The following GRAMD1A variants were observed in gnomAD, a reference collection of about 807,000 sequenced individuals.
The protein encoded by GRAMD1A is protein Aster-A.
In GRAMD1A, 50 loss-of-function variants were observed where a neutral mutation model predicts 92.0. That is an observed-to-expected ratio of 0.54 (90% CI 0.43 to 0.69). GRAMD1A has a LOEUF of 0.69. Ranked by LOEUF, GRAMD1A falls within the 30% of genes least tolerant of loss-of-function variation. GRAMD1A has a pLI of 0.00. For synonymous variants in GRAMD1A, 405 were observed against 403.6 expected (o/e 1.00, Z -0.04); for missense variants, 819 against 978.9 (o/e 0.84, Z 2.18).
chr19:35,013,402 G>A lies in GRAMD1A; in HGVS notation c.719+34G>A, dbSNP rs1207074804. Reference sequence around the variant, plus strand: ...GAGGTCAAAGGAGGTTGAAGGGTTCGGGGGAGAACAGGACGGTCGGCGTGC... The same window carrying A: ...GAGGTCAAAGGAGGTTGAAGGGTTCAGGGGAGAACAGGACGGTCGGCGTGC... On this transcript the variant is annotated intron_variant, in intron 8 of 19. Coordinates refer to ENST00000317991, the MANE Select transcript of GRAMD1A (RefSeq NM_020895.5). This position sits in a 1 kb window ranked among gnomAD's most constrained non-coding sequence, Gnocchi z 4.9. The A allele has an allele frequency of 6.0e-6, 9 of 1,509,632 alleles. No individual in the cohort carries two copies. Among genetic ancestry groups the A allele is most frequent in the South Asian group, 3.5e-5 (3 of 86,018 alleles). 93.5% of individuals were successfully genotyped at this position (1,509,632 alleles called of 1,614,324 possible). A position where few individuals can be genotyped will look rare whatever the true frequency, so the allele number is the denominator to read the frequency against.
At chr19:35,019,647 G>A (rs960042845) in intron 13 of GRAMD1A, 114 bp downstream of exon 13, 58 of 1,060,240 alleles carry the variant, frequency 5.5e-5, no homozygotes, top group African/African-American at 3.9e-4. Flanking sequence ...GAACAGAAGC[G>A]TGGGGTTCCT....
rs2151715282 is a variant in GRAMD1A, at chr19:35,011,568, A to C, written c.606+14A>C. 1 of 1,594,030 alleles carries C rather than the reference A, an allele frequency of 6.3e-7. No individual in the cohort carries two copies. Reference sequence around the variant, plus strand: ...CTGCTTGAAAAGGTGGGCCTGGGTGAGGCCCGGGTGGGGATGGGGGGTTTC... The same window carrying C: ...CTGCTTGAAAAGGTGGGCCTGGGTGCGGCCCGGGTGGGGATGGGGGGTTTC... On this transcript the variant is annotated intron_variant, in intron 7 of 19. Transcript: ENST00000317991.
At chr19:35,008,310 CAG>C (rs1351028557) in intron 1 of GRAMD1A, among the ~76,000 whole-genome samples, 1 of 151,964 alleles carries the variant, frequency 6.6e-6, no homozygotes, top group Admixed American at 6.6e-5. Flanking sequence ...GCCTAGGTGA[CAG>C]AGTGAGAGAT....
At chr19:35,003,061 G>GGTGTGTGTGTGTGTGTGT (rs58809497) in intron 1 of GRAMD1A, among the ~76,000 whole-genome samples, 118 of 142,320 alleles carry the variant, frequency 8.3e-4, no homozygotes, top group Middle Eastern at 3.5e-3. Flanking sequence ...CAATGCTGCA[G>GGTGTGTGTGTGTGTGTGT]GTGTGTGTGT....
chr19:35,022,859 G>A (rs748985262), intron 16 of GRAMD1A, 41 bp from the exon 17 acceptor site: 23 of 1,595,464 alleles, frequency 1.4e-5, no homozygotes, highest in Admixed American at 5.2e-5. Context: ...CAGGCCAGGC[G>A]GCGCTCATCT....
chr19:35,004,544 G>T (rs1169910335), intron 1 of GRAMD1A, among the ~76,000 whole-genome samples: 1 of 152,162 alleles, frequency 6.6e-6, no homozygotes, highest in Non-Finnish European at 1.5e-5. Flanking sequence ...TTTTCTTACT[G>T]ACGGTCTATG....
In GRAMD1A at chr19:35,009,147, C is replaced by A; in HGVS notation, c.37C>A (p.Pro13Thr). Residue 13 changes from proline (P) to threonine (T), a missense_variant, in exon 2 of 20, where the codon CCA becomes ACA. Physicochemically the swap from Pro to Thr is conservative, Grantham distance 38. Transcript: ENST00000317991. ...DTTPHSGRST[P>T]SSSPSLRKRL... ...CACACCCCACTCTGGCCGGAGCACG[C>A]CAAGCAGCTCCCCATCGCTCCGGAA... 1 of 1,613,616 alleles carries A rather than the reference C, an allele frequency of 6.2e-7. No individual in the cohort carries two copies. Among genetic ancestry groups the A allele is most frequent in the Non-Finnish European group, 8.5e-7 (1 of 1,179,574 alleles).
At chr19:35,012,671 G>A (rs1203224773) in intron 7 of GRAMD1A, among the ~76,000 whole-genome samples, 2 of 152,232 alleles carry the variant, frequency 1.3e-5, no homozygotes, top group African/African-American at 4.8e-5. Context: ...GCTCTGTAAA[G>A]ATGGGAACAT....
rs185126710 is a variant in GRAMD1A at position 35,007,319 on chromosome 19, C to T, written c.9-1800C>T. 6.6e-5 allele frequency among the ~76,000 whole-genome samples: 10 copies of T among 152,072 alleles called. No individual in the cohort carries two copies. The East Asian group carries it at 9.7e-4, about 15-fold the overall frequency. On this transcript the variant is annotated intron_variant, in intron 1 of 19. Coordinates refer to ENST00000317991, the MANE Select transcript of GRAMD1A (RefSeq NM_020895.5). ...CTGTAATCCCAGAATTTTGGGAGGCCGAGGTGGGCGGATAACCTGAGGTCA... is the reference window on the plus strand; with the variant it reads ...CTGTAATCCCAGAATTTTGGGAGGCTGAGGTGGGCGGATAACCTGAGGTCA...
chr19:35,018,203 G>A (rs1600322996), intron 11 of GRAMD1A, among the ~76,000 whole-genome samples: 1 of 152,242 alleles, frequency 6.6e-6, no homozygotes, highest in Middle Eastern at 3.4e-3. Context: ...GGCCAGGCTG[G>A]TTTCAAACTC....
chr19:35,005,241 A>G (rs1427652290), intron 1 of GRAMD1A, among the ~76,000 whole-genome samples: 1 of 150,906 alleles, frequency 6.6e-6, no homozygotes, highest in Non-Finnish European at 1.5e-5. Flanking sequence ...AACTAGGGGG[A>G]AATACTGAAG....
In GRAMD1A at chr19:35,020,236, AT is replaced by A. The variant is rs199890454; in HGVS notation, c.1475+711del. Among the ~76,000 whole-genome samples the A allele has an allele frequency of 1.4e-3, 220 of 152,020 alleles. 2 individuals carry two copies. In the East Asian group the frequency reaches 0.028, roughly 19 times the overall value. ...CGGAAGCCCTGTCTCTACAAAAACA[AT>A]TTTTTTTAAATTAGCCAGGGTCCAG... On this transcript the variant is annotated intron_variant, in intron 13 of 19. Coordinates refer to ENST00000317991, the MANE Select transcript of GRAMD1A (RefSeq NM_020895.5).
At chr19:35,009,486 C>T (rs368456311) in intron 3 of GRAMD1A, 43 bp downstream of exon 3, 610 of 1,608,192 alleles carry the variant, frequency 3.8e-4, no homozygotes, top group South Asian at 9.3e-4. Context: ...CTGGGAGGAC[C>T]GGGTGCTGGG....
chr19:35,013,394 A>G lies in GRAMD1A; in HGVS notation c.719+26A>G. The G allele has an allele frequency of 1.3e-6, 2 of 1,521,304 alleles. No individual in the cohort carries two copies. Among genetic ancestry groups the G allele is most frequent in the Non-Finnish European group, 9.0e-7 (1 of 1,111,302 alleles). The allele number at this position is 1,521,304 out of a possible 1,614,324, so 94.2% of individuals were successfully genotyped here. A position where few individuals can be genotyped will look rare whatever the true frequency, so the allele number is the denominator to read the frequency against. ...GTGAGTTGGAGGTCAAAGGAGGTTG[A>G]AGGGTTCGGGGGAGAACAGGACGGT... is the stretch of plus-strand genomic sequence containing the variant. On this transcript the variant is annotated intron_variant, in intron 8 of 19. Coordinates refer to ENST00000317991, the MANE Select transcript of GRAMD1A (RefSeq NM_020895.5). This position sits in a 1 kb window ranked among gnomAD's most constrained non-coding sequence, Gnocchi z 4.9.
intron 3 of GRAMD1A, 171 bp downstream of exon 3, chr19:35,009,614 A>G: frequency 1.4e-6 from 1 of 730,802 alleles, no homozygotes. Context: ...GAGTTACTTA[A>G]CCTCTCTGGG....
chr19:35,026,121 C>A lies in GRAMD1A; in HGVS notation c.2155C>A (p.Pro719Thr). The change falls in exon 20 of 20, where the codon CCC (proline) becomes ACC (threonine). Residue 719 changes from proline to threonine, a missense_variant. Around this residue, in one of 3 missense-constraint regions of GRAMD1A, gnomAD observed 577 missense variants for 674.6 expected, o/e 0.86. Coordinates refer to ENST00000317991, the MANE Select transcript of GRAMD1A (RefSeq NM_020895.5). Reference sequence around the variant, plus strand: ...CCCTCCCTTTGACACCCAGCCCCGGCCCGATGACAGCTTTTCCTGAGGACC... The same window carrying A: ...CCCTCCCTTTGACACCCAGCCCCGGACCGATGACAGCTTTTCCTGAGGACC... The part of the protein sequence containing the change: ...SDPPFDTQPR[P>T]DDSFS 6.3e-7 allele frequency: 1 copy of A among 1,582,522 alleles called. No homozygotes were observed. Among genetic ancestry groups the A allele is most frequent in the South Asian group, 1.1e-5 (1 of 90,450 alleles).
chr19:35,006,006 C>T (rs529481123), intron 1 of GRAMD1A: 1 of 456,002 alleles, frequency 2.2e-6, no homozygotes, highest in African/African-American at 2.0e-5. Flanking sequence ...ATCAAGGCCC[C>T]TAAATGGGAA....
At chr19:35,011,448 C>CCTCT (rs140658050) in intron 6 of GRAMD1A, 26 bp from the exon 7 acceptor site, 14 of 1,429,562 alleles carry the variant, frequency 9.8e-6, no homozygotes, top group African/African-American at 7.1e-5. Context: ...CCTGCTCACA[C>CCTCT]CTCTCTCTCT....
rs1319531294 is a variant in GRAMD1A, at chr19:35,015,601, C to T, written c.1070-223C>T. ...AAATCTCAGGGCCTAGGTGTGTTCTCCACCCAGAACCAAGCACAGTGGCTG... is the reference window on the plus strand; with the variant it reads ...AAATCTCAGGGCCTAGGTGTGTTCTTCACCCAGAACCAAGCACAGTGGCTG... On this transcript the variant is annotated intron_variant, in intron 10 of 19. Coordinates refer to ENST00000317991, the MANE Select transcript of GRAMD1A (RefSeq NM_020895.5). 3.8e-5 allele frequency: 19 copies of T among 501,892 alleles called. No homozygotes were observed. In the Middle Eastern group the frequency reaches 2.5e-3, roughly 67 times the overall value. 31.1% of individuals were successfully genotyped at this position (501,892 alleles called of 1,614,324 possible). A position where few individuals can be genotyped will look rare whatever the true frequency, so the allele number is the denominator to read the frequency against.
Sources: allele counts gnomAD v4.1 joint callset (sites outside exome capture counted in the v4.1 genomes callset), GRCh38; gene constraint gnomAD v4.1.1; regional missense constraint gnomAD v4.1.1; non-coding constraint Gnocchi (gnomAD v3.1); transcripts MANE v1.5; gene names NCBI Gene and HGNC (gene_info 2026-07-23, HGNC 2026-07-21).